The following ANKRD27 variants were observed in gnomAD, a reference collection of about 807,000 sequenced individuals.
The protein encoded by ANKRD27 is ankyrin repeat domain-containing protein 27.
In ANKRD27, 112 loss-of-function variants were observed where a neutral mutation model predicts 129.7. The observed-to-expected ratio is 0.86, with a 90% CI of 0.74 to 1.01. The LOEUF (loss-of-function observed/expected upper bound fraction) is 1.01. ANKRD27 is among the 50% of genes least tolerant of loss of function. The pLI is 0.00. For missense variants in ANKRD27, 1,258 were observed against 1,300.5 expected, an observed-to-expected ratio of 0.97 and a Z score of 0.50; for synonymous variants, 516 against 511.2, an observed-to-expected ratio of 1.01 and a Z score of -0.13.
At chr19:32,605,977 G>A (rs1425022556) in intron 23 of ANKRD27, 23 bp from the exon 24 acceptor site, 18 of 1,585,266 alleles carry the variant, frequency 1.1e-5, no homozygotes, top group Non-Finnish European at 1.5e-5. Flanking sequence ...AGGAAAACGT[G>A]CAAACTTAAT....
At chr19:32,669,409 C>A (rs1395203256) in intron 1 of ANKRD27, among the ~76,000 whole-genome samples, 2 of 152,194 alleles carry the variant, frequency 1.3e-5, no homozygotes, top group African/African-American at 2.4e-5. Flanking sequence ...GTCTCCACCA[C>A]AATGAGATAA....
At chr19:32,643,378 G>A in intron 7 of ANKRD27, 26 bp from the exon 8 acceptor site, 1 of 1,613,816 alleles carries the variant, frequency 6.2e-7, no homozygotes, top group Non-Finnish European at 8.5e-7. Context: ...ACCCCATTCA[G>A]GGTGTGAGCG....
intron 17 of ANKRD27, among the ~76,000 whole-genome samples, chr19:32,622,944 G>GT (rs5827812): frequency 0.092 from 13,234 of 143,204 alleles, 1,478 homozygotes; most frequent in East Asian, 0.31. Flanking sequence ...TGCCTGGATG[G>GT]TTTTTTTTTT....
intron 1 of ANKRD27, among the ~76,000 whole-genome samples, chr19:32,660,921 A>C (rs923026760): frequency 6.6e-6 from 1 of 152,138 alleles, no homozygotes; most frequent in African/African-American, 2.4e-5. Context: ...AGTTTTAAAT[A>C]TCATCTCCCA....
intron 21 of ANKRD27, among the ~76,000 whole-genome samples, chr19:32,616,533 C>T (rs535781204): frequency 4.5e-5 from 6 of 134,444 alleles, no homozygotes; most frequent in East Asian, 2.1e-4. Flanking sequence ...TGGATGACAG[C>T]GCAAGACTCC....
chr19:32,617,605 T>C lies in ANKRD27; in HGVS notation c.2036A>G (p.Asp679Gly). The C allele has an allele frequency of 1.3e-6, 1 of 757,826 alleles. No homozygotes were observed. Among genetic ancestry groups the C allele is most frequent in the Non-Finnish European group, 2.4e-6 (1 of 409,960 alleles). 46.9% of individuals were successfully genotyped at this position (757,826 alleles called of 1,614,324 possible). Residue 679 changes from aspartate to glycine, a missense_variant, in exon 21 of 29, where the codon GAT becomes GGT. Coordinates refer to ENST00000306065, the MANE Select transcript of ANKRD27 (RefSeq NM_032139.3). Reference sequence around the variant, plus strand: ...AAAACTCACCATTTCTAGATCTCCATCAGCAACTGCTCTCAAAAGTTTTTC... The same window carrying C: ...AAAACTCACCATTTCTAGATCTCCACCAGCAACTGCTCTCAAAAGTTTTTC... ...EVEKLLRAVA[D>G]GDLEMVRYLL...
chr19:32,606,969 A>G (rs1413068232), intron 23 of ANKRD27, among the ~76,000 whole-genome samples: 2 of 142,314 alleles, frequency 1.4e-5, no homozygotes, highest in African/African-American at 5.4e-5. Context: ...AAAAAAAAAA[A>G]AAAAAGAAAA....
chr19:32,631,748 TGTGGAATGTGCCATCTCCAGC>T (rs1568407314), intron 12 of ANKRD27, among the ~76,000 whole-genome samples: 1 of 152,200 alleles, frequency 6.6e-6, no homozygotes, highest in East Asian at 1.9e-4. Flanking sequence ...TGCGTGTATA[TGTGGAATGTGCCATCTCCAGC>T]GTGGAATGCG....
chr19:32,648,700 T>C (rs1055414344), intron 3 of ANKRD27, among the ~76,000 whole-genome samples: 1 of 151,036 alleles, frequency 6.6e-6, no homozygotes, highest in African/African-American at 2.4e-5. Flanking sequence ...CTCGGGAGGC[T>C]GAGGCAGGAG....
At chr19:32,650,991 CACCTTGGCCTCCCAAAGTGCTGGG>C (rs2145309703) in intron 2 of ANKRD27, among the ~76,000 whole-genome samples, 1 of 152,142 alleles carries the variant, frequency 6.6e-6, no homozygotes. Context: ...GCGATCCTTC[CACCTTGGCCTCCCAAAGTGCTGGG>C]ATGACAGTCA....
intron 13 of ANKRD27, 111 bp downstream of exon 13, chr19:32,631,291 T>G: frequency 1.0e-6 from 1 of 958,046 alleles, no homozygotes; most frequent in Non-Finnish European, 1.6e-6. Context: ...AGTGCTGTGA[T>G]TATAGGCATG....
In ANKRD27 at chr19:32,626,712, C is replaced by T. The variant is rs1278714164; in HGVS notation, c.1536G>A (p.Thr512=). The part of the protein sequence containing the change: ...LACQKGYQSV[T]LLLLHYKASA... ...CCGCCACAAAGGCACCACTGCTCAC[C>T]GTCACGCTCTGGTAGCCCTTCTGAC... is the stretch of plus-strand genomic sequence containing the variant. Residue 512 remains threonine, a splice_region_variant and synonymous_variant, in exon 16 of 29, where the codon ACG becomes ACA. Coordinates refer to ENST00000306065, the MANE Select transcript of ANKRD27 (RefSeq NM_032139.3). The T allele has an allele frequency of 3.1e-6, 5 of 1,601,498 alleles. No homozygotes were observed. The highest frequency in any genetic ancestry group is 2.3e-5 in the East Asian group (1 of 44,164).
At chr19:32,633,770 C>G (rs1372203852) in intron 12 of ANKRD27, among the ~76,000 whole-genome samples, 1 of 151,808 alleles carries the variant, frequency 6.6e-6, no homozygotes, top group African/African-American at 2.4e-5. Context: ...GCCTGTAATC[C>G]CAGCACTTTG....
chr19:32,622,730 A>G (rs1207616733), intron 17 of ANKRD27, 111 bp from the exon 18 acceptor site: 61 of 968,218 alleles, frequency 6.3e-5, no homozygotes, highest in Admixed American at 1.9e-5. Flanking sequence ...GACAGAACTC[A>G]GAAGTGTCAC....
chr19:32,628,906 G>A, intron 13 of ANKRD27, 57 bp from the exon 14 acceptor site: 3 of 1,596,782 alleles, frequency 1.9e-6, no homozygotes, highest in African/African-American at 1.3e-5. Context: ...ATTATTAGGA[G>A]TAAATTTTTT....
intron 18 of ANKRD27, among the ~76,000 whole-genome samples, chr19:32,621,083 T>C (rs1283124665): frequency 6.6e-6 from 1 of 151,828 alleles, no homozygotes; most frequent in Admixed American, 6.6e-5. Context: ...AAAACAAAAA[T>C]AAAAACAAAT....
At chr19:32,666,951 G>C (rs186054816) in intron 1 of ANKRD27, among the ~76,000 whole-genome samples, 1,876 of 152,164 alleles carry the variant, frequency 0.012, 51 homozygotes, top group African/African-American at 0.043. Flanking sequence ...CCAGCCAGGA[G>C]ATCAGATTTC....
chr19:32,607,891 A>C, intron 22 of ANKRD27, 59 bp from the exon 23 acceptor site: 1 of 1,523,144 alleles, frequency 6.6e-7, no homozygotes, highest in Non-Finnish European at 8.9e-7. Flanking sequence ...ACTGGGCTGG[A>C]GTGATTGGCA....
intron 2 of ANKRD27, among the ~76,000 whole-genome samples, chr19:32,650,056 T>A (rs1354706089): frequency 2.0e-5 from 3 of 152,094 alleles, no homozygotes; most frequent in Non-Finnish European, 4.4e-5. Context: ...CAAATCCTTC[T>A]CCACCTTCAG....
Sources: allele counts gnomAD v4.1 joint callset (sites outside exome capture counted in the v4.1 genomes callset), GRCh38; gene constraint gnomAD v4.1.1; transcripts MANE v1.5; gene names NCBI Gene and HGNC (gene_info 2026-07-23, HGNC 2026-07-21).